The following OLFM1 variants were observed in gnomAD, a reference collection of about 807,000 sequenced individuals.
OLFM1 encodes the protein noelin.
OLFM1 carries 9 observed loss-of-function variants against 49.7 expected under a neutral mutation model. That is an observed-to-expected ratio of 0.18 (90% CI 0.11 to 0.32). The LOEUF (loss-of-function observed/expected upper bound fraction) is 0.32, where lower values mean the gene tolerates loss of function less well. OLFM1 is among the 10% of genes least tolerant of loss of function. The pLI, the probability that OLFM1 is intolerant of heterozygous loss-of-function variation, is 1.00. For synonymous variants in OLFM1, 240 were observed against 271.8 expected, an observed-to-expected ratio of 0.88 and a Z score of 1.15; for missense variants, 369 against 661.8, an observed-to-expected ratio of 0.56 and a Z score of 4.85.
Position 135,120,524 on chromosome 9 carries a change from T to A in OLFM1, c.*346T>A. ...GGAAAAACCCACTGTTAGGATGGCATGAACATTTCCTTAGATCGTGGTCAG... is the reference window on the plus strand; with the variant it reads ...GGAAAAACCCACTGTTAGGATGGCAAGAACATTTCCTTAGATCGTGGTCAG... On this transcript the variant is annotated 3_prime_UTR_variant, in exon 6 of 6. Coordinates refer to ENST00000371793, the MANE Select transcript of OLFM1 (RefSeq NM_001282611.2). The A allele has an allele frequency of 3.5e-6, 1 of 288,356 alleles. No individual in the cohort carries two copies. Among genetic ancestry groups the A allele is most frequent in the Non-Finnish European group, 6.5e-6 (1 of 154,064 alleles). 17.9% of individuals were successfully genotyped at this position (288,356 alleles called of 1,614,324 possible).
upstream of OLFM1, among the ~76,000 whole-genome samples, chr9:135,085,405 T>A (rs534414743): frequency 1.2e-4 from 18 of 152,372 alleles, no homozygotes; most frequent in Non-Finnish European, 2.4e-4. Flanking sequence ...GTGTATGGGC[T>A]TAGCCCTGGA....
At chr9:135,076,529 G>T in intron 1 of OLFM1, 1 of 1,222,304 alleles carries the variant, frequency 8.2e-7, no homozygotes, top group Non-Finnish European at 1.1e-6. Context: ...TATTGGAGCT[G>T]GCAGGTCTTG....
upstream of OLFM1, chr9:135,086,811 G>C: frequency 2.3e-6 from 1 of 436,970 alleles, no homozygotes; most frequent in Non-Finnish European, 4.6e-6. Context: ...GCCATGACTC[G>C]AGCGCCACCC....
In OLFM1 at chr9:135,098,146, T is replaced by C. The variant is rs2119118283; in HGVS notation, c.457-140T>C. The C allele has an allele frequency of 6.9e-7, 1 of 1,439,052 alleles. No individual in the cohort carries two copies. Among genetic ancestry groups the C allele is most frequent in the Non-Finnish European group, 9.1e-7 (1 of 1,097,790 alleles). The allele number at this position is 1,439,052 out of a possible 1,614,324, so 89.1% of individuals were successfully genotyped here. ...GGACTGTTTAATATGCTCTTCTAAC[T>C]CATTTGGACCAGAACAAATAAGCCT... On this transcript the variant is annotated intron_variant, in intron 3 of 5. Transcript: ENST00000371793. The surrounding 1 kb of genome is among the most constrained non-coding windows in gnomAD (Gnocchi z 5.6).
At chr9:135,078,337 G>A (rs576924933) in intron 1 of OLFM1, among the ~76,000 whole-genome samples, 33 of 152,172 alleles carry the variant, frequency 2.2e-4, no homozygotes, top group Admixed American at 5.2e-4. Flanking sequence ...ATGAGCATAC[G>A]TCGACATAAG....
upstream of OLFM1, chr9:135,086,792 T>G (rs695156): frequency 0.44 from 195,461 of 446,000 alleles, 46,256 homozygotes; most frequent in African/African-American, 0.72. Flanking sequence ...CCTGCCTCTG[T>G]GCCTGGGCGC....
intron 4 of OLFM1, among the ~76,000 whole-genome samples, chr9:135,103,450 G>A (rs1349419325): frequency 6.6e-6 from 1 of 152,256 alleles, no homozygotes; most frequent in African/African-American, 2.4e-5. Context: ...TGGAAGATCA[G>A]GGTGCAGAGC....
chr9:135,085,890 C>T (rs1830590042), upstream of OLFM1, among the ~76,000 whole-genome samples: 1 of 151,918 alleles, frequency 6.6e-6, no homozygotes, highest in African/African-American at 2.4e-5. Context: ...AGGTTGGAGC[C>T]GCTCAGGTGC....
At chr9:135,099,949 T>A (rs1830848457) in intron 4 of OLFM1, among the ~76,000 whole-genome samples, 1 of 152,192 alleles carries the variant, frequency 6.6e-6, no homozygotes, top group South Asian at 2.1e-4. Context: ...TGGGGCTATA[T>A]AACTATTGCC....
chr9:135,077,268 C>T, intron 1 of OLFM1: 1 of 1,447,992 alleles, frequency 6.9e-7, no homozygotes, highest in East Asian at 2.5e-5. Context: ...CTTATTGAGA[C>T]ACCTTGGCAA....
rs764404975 is a variant in OLFM1 at position 135,119,862 on chromosome 9, G to C, written c.1142G>C (p.Arg381Thr). Reference protein sequence around the residue: ...NQNAGNIVVSRLDPVSLQTLQ... With the variant: ...NQNAGNIVVSTLDPVSLQTLQ... Reference sequence around the variant, plus strand: ...AACGCTGGCAACATCGTGGTCAGTAGGCTGGACCCCGTGTCCCTGCAGACC... The same window carrying C: ...AACGCTGGCAACATCGTGGTCAGTACGCTGGACCCCGTGTCCCTGCAGACC... Residue 381 changes from arginine to threonine, a missense_variant, in exon 6 of 6, where the codon AGG (arginine) becomes ACG (threonine). This residue lies in a region of OLFM1 where 294 missense variants were observed against 567.5 expected (regional missense o/e 0.52). Transcript: ENST00000371793. The C allele has an allele frequency of 6.2e-7, 1 of 1,613,674 alleles. No individual in the cohort carries two copies. Among genetic ancestry groups the C allele is most frequent in the Non-Finnish European group, 8.5e-7 (1 of 1,180,036 alleles).
chr9:135,109,190 C>A (rs1476723682), intron 5 of OLFM1, among the ~76,000 whole-genome samples: 1 of 152,194 alleles, frequency 6.6e-6, no homozygotes, highest in Non-Finnish European at 1.5e-5. Context: ...CACGTGTGTG[C>A]CTCTTGACTT....
upstream of OLFM1, among the ~76,000 whole-genome samples, chr9:135,084,748 C>T (rs1247001399): frequency 6.6e-6 from 1 of 152,152 alleles, no homozygotes; most frequent in East Asian, 1.9e-4. This position sits in a 1 kb window ranked among gnomAD's most constrained non-coding sequence, Gnocchi z 4.6. Context: ...CATCCTTTGC[C>T]AAGGAGCATC....
intron 2 of OLFM1, 37 bp downstream of exon 2, chr9:135,090,381 T>TGTG: frequency 6.5e-7 from 1 of 1,534,562 alleles, no homozygotes; most frequent in South Asian, 1.2e-5. Context: ...TGTATGTGTG[T>TGTG]GTGTTTGTGT....
chr9:135,107,808 A>C (rs925073449), intron 5 of OLFM1, among the ~76,000 whole-genome samples: 2 of 152,190 alleles, frequency 1.3e-5, no homozygotes, highest in Admixed American at 1.3e-4. Flanking sequence ...GAGATCCTCT[A>C]AGCTTTATCT....
chr9:135,095,277 C>A (rs1364138307), intron 2 of OLFM1: 1 of 152,194 alleles, frequency 6.6e-6, no homozygotes, highest in South Asian at 2.1e-4. Flanking sequence ...GATGGCATAG[C>A]AGATAGGGAA....
intron 5 of OLFM1, among the ~76,000 whole-genome samples, chr9:135,118,391 G>GGTCTTTGGAGTGCTCGCTGT (rs754297948): frequency 3.5e-4 from 51 of 144,600 alleles, no homozygotes; most frequent in Non-Finnish European, 4.5e-5. Flanking sequence ...GTGCTCGCTG[G>GGTCTTTGGAGTGCTCGCTGT]GTCTTTGGAG....
intron 4 of OLFM1, among the ~76,000 whole-genome samples, chr9:135,101,672 C>T (rs1830872486): frequency 6.6e-6 from 1 of 152,220 alleles, no homozygotes. Context: ...CTGCCCCGTG[C>T]CCCTGGCCTC....
intron 4 of OLFM1, among the ~76,000 whole-genome samples, chr9:135,103,639 G>A (rs1000404060): frequency 2.6e-5 from 4 of 152,198 alleles, no homozygotes; most frequent in East Asian, 1.9e-4. Context: ...GGGCAGAGCC[G>A]CCCTCTGGAG....
Sources: gnomAD v4.1 joint callset for allele counts (sites outside exome capture counted in the v4.1 genomes callset) on GRCh38, gnomAD v4.1.1 for gene constraint, gnomAD v4.1.1 regional missense constraint, Gnocchi (gnomAD v3.1) non-coding constraint, MANE v1.5 for transcripts, NCBI Gene and HGNC (gene_info 2026-07-23, HGNC 2026-07-21) for gene names.